The following IGF2BP1 variants were observed in gnomAD, a reference collection of about 807,000 sequenced individuals.
IGF2BP1 encodes insulin like growth factor 2 mRNA binding protein 1.
A neutral mutation model predicts 74.9 loss-of-function variants in IGF2BP1; 11 were observed. That is an observed-to-expected ratio of 0.15 (90% CI 0.09 to 0.24). IGF2BP1 has a LOEUF of 0.24. Ranked by LOEUF, IGF2BP1 falls within the 10% of genes least tolerant of loss-of-function variation. IGF2BP1 has a pLI of 1.00. For missense variants in IGF2BP1, 440 were observed against 757.4 expected (o/e 0.58, Z 4.92); for synonymous variants, 287 against 281.8 (o/e 1.02, Z -0.18).
At chr17:49,031,863 G>A (rs777285679) in intron 4 of IGF2BP1, 47 bp from the exon 5 acceptor site, 11 of 1,532,958 alleles carry the variant, frequency 7.2e-6, no homozygotes, top group South Asian at 1.1e-5. Context: ...CATTGATTGG[G>A]CCTCCAGATT....
chr17:49,044,234 T>A, intron 11 of IGF2BP1, 148 bp downstream of exon 11: 1 of 1,209,190 alleles, frequency 8.3e-7, no homozygotes, highest in Non-Finnish European at 1.1e-6. Flanking sequence ...GAAGTCCTCT[T>A]TGTTTTTGAT....
chr17:49,039,866 G>T, intron 6 of IGF2BP1, 91 bp from the exon 7 acceptor site: 1 of 1,383,066 alleles, frequency 7.2e-7, no homozygotes, highest in South Asian at 1.3e-5. Context: ...CAGGTTCTAT[G>T]CCTTTGACTG....
chr17:49,000,093 TG>T (rs1269064912), intron 2 of IGF2BP1, among the ~76,000 whole-genome samples: 1 of 152,104 alleles, frequency 6.6e-6, no homozygotes, highest in African/African-American at 2.4e-5. Context: ...GAACTCTGGC[TG>T]GGAAGTATAA....
chr17:49,001,162 A>G (rs1234734683), intron 2 of IGF2BP1, among the ~76,000 whole-genome samples: 2 of 152,142 alleles, frequency 1.3e-5, no homozygotes, highest in African/African-American at 2.4e-5. Flanking sequence ...AGTTTGCTCT[A>G]TCATTTTGTG....
At chr17:49,024,415 TTAATAA>T (rs1204318867) in intron 2 of IGF2BP1, among the ~76,000 whole-genome samples, 2 of 151,908 alleles carry the variant, frequency 1.3e-5, no homozygotes, top group Non-Finnish European at 2.9e-5. Context: ...TACAAGATTG[TTAATAA>T]TAATGATAAT....
chr17:49,003,466 AAG>A (rs2041508826), intron 2 of IGF2BP1, among the ~76,000 whole-genome samples: 1 of 152,062 alleles, frequency 6.6e-6, no homozygotes, highest in African/African-American at 2.4e-5. Context: ...AGGTTTTGTG[AAG>A]AGTTATTTAG....
At chr17:49,034,325 G>T (rs1373162053) in intron 5 of IGF2BP1, among the ~76,000 whole-genome samples, 1 of 151,532 alleles carries the variant, frequency 6.6e-6, no homozygotes, top group Non-Finnish European at 1.5e-5. Flanking sequence ...CCCCATGTTG[G>T]CCAGGCTGGT....
intron 2 of IGF2BP1, among the ~76,000 whole-genome samples, chr17:49,007,231 A>G (rs2041561007): frequency 6.6e-6 from 1 of 152,160 alleles, no homozygotes; most frequent in Non-Finnish European, 1.5e-5. Flanking sequence ...GTAGGCATTC[A>G]GGAACTGGGG....
At chr17:49,013,643 G>A (rs1417025331) in intron 2 of IGF2BP1, 1 of 152,344 alleles carries the variant, frequency 6.6e-6, no homozygotes, top group Admixed American at 6.5e-5. Flanking sequence ...ACCACAGGGA[G>A]GTCGGGTCTG....
chr17:49,011,904 A>ATTTTTTTTTTTTTTTTTTTTTTTTTTTTT (rs68074534), intron 2 of IGF2BP1, among the ~76,000 whole-genome samples: 1 of 124,634 alleles, frequency 8.0e-6, no homozygotes. Flanking sequence ...AAGAAAATTG[A>ATTTTTTTTTTTTTTTTTTTTTTTTTTTTT]TTTTTTTTTT....
intron 1 of IGF2BP1, 88 bp downstream of exon 1, chr17:48,998,008 C>T (rs1054935224): frequency 8.2e-6 from 12 of 1,466,022 alleles, no homozygotes; most frequent in South Asian, 2.5e-5. Flanking sequence ...CCCGCCAACT[C>T]CTCTCTTCCC....
chr17:49,011,904 A>ATTTTT (rs68074534), intron 2 of IGF2BP1, among the ~76,000 whole-genome samples: 10 of 124,628 alleles, frequency 8.0e-5, no homozygotes, highest in Admixed American at 1.7e-4. Context: ...AAGAAAATTG[A>ATTTTT]TTTTTTTTTT....
intron 2 of IGF2BP1, among the ~76,000 whole-genome samples, chr17:49,009,785 G>C (rs968749471): frequency 6.6e-6 from 1 of 151,332 alleles, no homozygotes; most frequent in Admixed American, 6.6e-5. Context: ...ATATAGTTTT[G>C]TGACATAAAC....
At chr17:49,024,611 A>G (rs2041830215) in intron 2 of IGF2BP1, among the ~76,000 whole-genome samples, 1 of 152,138 alleles carries the variant, frequency 6.6e-6, no homozygotes, top group Non-Finnish European at 1.5e-5. Flanking sequence ...GTGGAAAGGT[A>G]TTATCTCTGT....
intron 2 of IGF2BP1, among the ~76,000 whole-genome samples, chr17:49,001,622 A>G (rs1398028706): frequency 6.6e-6 from 1 of 152,202 alleles, no homozygotes; most frequent in Non-Finnish European, 1.5e-5. Context: ...TGAAAACAGC[A>G]GTTAGCTTGA....
intron 6 of IGF2BP1, among the ~76,000 whole-genome samples, 172 bp from the exon 7 acceptor site, chr17:49,039,785 G>A (rs1192051053): frequency 6.6e-6 from 1 of 152,114 alleles, no homozygotes; most frequent in Non-Finnish European, 1.5e-5. Flanking sequence ...AGTAACAGAC[G>A]GGTCATATTT....
At chr17:49,043,377 C>T (rs1380809346) in intron 9 of IGF2BP1, 51 bp from the exon 10 acceptor site, 1 of 1,606,478 alleles carries the variant, frequency 6.2e-7, no homozygotes, top group Non-Finnish European at 8.5e-7. Flanking sequence ...GGGTCACACA[C>T]AAGCCCCTGT....
chr17:49,040,200 T>G (rs2042035291), intron 7 of IGF2BP1, 109 bp downstream of exon 7: 1 of 1,217,188 alleles, frequency 8.2e-7, no homozygotes, highest in Non-Finnish European at 1.2e-6. Flanking sequence ...AGTCAGCAAT[T>G]GCACAAAAAG....
chr17:49,007,058 G>A (rs771266763), intron 2 of IGF2BP1, among the ~76,000 whole-genome samples: 1 of 152,152 alleles, frequency 6.6e-6, no homozygotes, highest in African/African-American at 2.4e-5. Context: ...TGGTGAGAGG[G>A]GAACTAACTC....
Sources: allele counts gnomAD v4.1 joint callset (sites outside exome capture counted in the v4.1 genomes callset), GRCh38; gene constraint gnomAD v4.1.1; transcripts MANE v1.5; gene names NCBI Gene and HGNC (gene_info 2026-07-23, HGNC 2026-07-21).